The following DLD variants were observed in gnomAD, a reference collection of about 807,000 sequenced individuals.
DLD encodes the protein dihydrolipoamide dehydrogenase, also known as dihydrolipoyl dehydrogenase, mitochondrial.
Under a neutral mutation model 62.2 loss-of-function variants are expected in DLD, and 36 were observed. The observed-to-expected ratio is 0.58, with a 90% CI of 0.44 to 0.76. DLD has a LOEUF of 0.76. DLD is among the 30% of genes least tolerant of loss of function. The pLI is 0.00. For missense variants in DLD, 541 were observed against 608.6 expected, an observed-to-expected ratio of 0.89 and a Z score of 1.17; for synonymous variants, 204 against 199.6, an observed-to-expected ratio of 1.02 and a Z score of -0.19.
Position 107,905,431 on chromosome 7 carries a change from G to T in DLD, c.509G>T (p.Gly170Val), listed in dbSNP as rs756314208. ...NQVTATKADGGTQVIDTKNIL... is the reference protein window; with the variant it reads ...NQVTATKADGVTQVIDTKNIL... ...GTCACTGCTACGAAAGCTGATGGCG[G>T]CACTCAGGTTATTGATACAAAGAAC... The change falls in exon 7 of 14, where the codon GGC becomes GTC. Residue 170 changes from glycine to valine, a missense_variant. Transcript: ENST00000205402. 1 of 1,613,640 alleles carries T rather than the reference G, an allele frequency of 6.2e-7. No homozygotes were observed. Among genetic ancestry groups the T allele is most frequent in the Non-Finnish European group, 8.5e-7 (1 of 1,179,610 alleles).
chr7:107,919,316 A>G lies in DLD; in HGVS notation c.*57A>G. 7.6e-7 allele frequency: 1 copy of G among 1,309,924 alleles called. No individual in the cohort carries two copies. The highest frequency in any genetic ancestry group is 1.1e-6 in the Non-Finnish European group (1 of 921,252). 81.1% of individuals were successfully genotyped at this position (1,309,924 alleles called of 1,614,324 possible). A position where few individuals can be genotyped will look rare whatever the true frequency, so the allele number is the denominator to read the frequency against. On this transcript the variant is annotated 3_prime_UTR_variant, in exon 14 of 14. Coordinates refer to ENST00000205402, the MANE Select transcript of DLD (RefSeq NM_000108.5). ...TTTCCTGGGAGCTTTTGTAGAAGTC[A>G]CATTCCTGAACAGGATATTCTCACA... is the stretch of plus-strand genomic sequence containing the variant.
intron 2 of DLD, among the ~76,000 whole-genome samples, chr7:107,901,146 G>T (rs2031865493): frequency 6.6e-6 from 1 of 152,064 alleles, no homozygotes; most frequent in African/African-American, 2.4e-5. Context: ...CATAGAAGCT[G>T]TTTTTTCCCT....
At chr7:107,906,409 T>C (rs1250718132) in intron 8 of DLD, 41 bp downstream of exon 8, 1 of 1,301,766 alleles carries the variant, frequency 7.7e-7, no homozygotes, top group Non-Finnish European at 1.1e-6. Context: ...TCCTTGGAGT[T>C]GGAAGGGACT....
chr7:107,917,889 C>G, intron 11 of DLD, 35 bp from the exon 12 acceptor site: 2 of 1,613,482 alleles, frequency 1.2e-6, no homozygotes, highest in Non-Finnish European at 1.7e-6. Flanking sequence ...ACTTTTCTGG[C>G]AGTTACGTAG....
Position 107,901,813 on chromosome 7 carries a change from T to A in DLD, c.194T>A (p.Phe65Tyr), listed in dbSNP as rs370683309. Reference sequence around the variant, plus strand: ...GCTATTAAAGCTGCCCAGTTAGGCTTCAAGGTAAGGTTTGAACTCAAACTA... The same window carrying A: ...GCTATTAAAGCTGCCCAGTTAGGCTACAAGGTAAGGTTTGAACTCAAACTA... ...VAAIKAAQLG[F>Y]KTVCIEKNET... The change falls in exon 3 of 14, where the codon TTC becomes TAC. Residue 65 changes from phenylalanine (F) to tyrosine (Y), a missense_variant. Coordinates refer to ENST00000205402, the MANE Select transcript of DLD (RefSeq NM_000108.5). 19 of 1,613,052 alleles carry A rather than the reference T, an allele frequency of 1.2e-5. No homozygotes were observed. The highest frequency in any genetic ancestry group is 3.3e-4 in the Middle Eastern group (2 of 6,058).
Position 107,901,653 on chromosome 7 carries a change from G to A in DLD, c.119-85G>A, listed in dbSNP as rs73726763. On this transcript the variant is annotated intron_variant, in intron 2 of 13. Transcript: ENST00000205402. ...TTGTACTGTAAGAGGTTTAAGTATC[G>A]GGTTATTTGTTTGCTCTTCCAAAGA... The A allele has an allele frequency of 3.7e-3, 3,948 of 1,074,160 alleles. 89 individuals are homozygous for A. In the African/African-American group the frequency reaches 0.05, roughly 14 times the overall value. The allele number at this position is 1,074,160 out of a possible 1,614,324, so 66.5% of individuals were successfully genotyped here. A position where few individuals can be genotyped will look rare whatever the true frequency, so the allele number is the denominator to read the frequency against.
chr7:107,918,600 G>C (rs192562687), intron 12 of DLD, among the ~76,000 whole-genome samples: 1 of 152,250 alleles, frequency 6.6e-6, no homozygotes, highest in East Asian at 1.9e-4. Context: ...TCCTACCACT[G>C]AGCCTAAAGT....
chr7:107,918,804 G>A (rs1426397929), intron 12 of DLD, among the ~76,000 whole-genome samples: 1 of 152,204 alleles, frequency 6.6e-6, no homozygotes, highest in African/African-American at 2.4e-5. Context: ...GTAAGTGGTA[G>A]ATATGAATTG....
chr7:107,919,705 A>G lies in DLD; in HGVS notation c.*446A>G, dbSNP rs1344892515. On this transcript the variant is annotated 3_prime_UTR_variant, in exon 14 of 14. Transcript: ENST00000205402. ...CATTGGAAACAAGTCAGTCATTCAG[A>G]TATGATTCAAATGTCTATAAACCGA... The G allele has an allele frequency of 5.8e-6, 1 of 172,066 alleles. No homozygotes were observed. The highest frequency in any genetic ancestry group is 1.2e-5 in the Non-Finnish European group (1 of 80,428). 10.7% of individuals were successfully genotyped at this position (172,066 alleles called of 1,614,324 possible).
chr7:107,897,217 A>G (rs958323117), intron 2 of DLD, among the ~76,000 whole-genome samples: 1 of 152,216 alleles, frequency 6.6e-6, no homozygotes. Flanking sequence ...CTGATGAGTC[A>G]TAAATATTTG....
intron 9 of DLD, 47 bp from the exon 10 acceptor site, chr7:107,916,747 A>G (rs766697952): frequency 5.7e-5 from 90 of 1,566,658 alleles, no homozygotes; most frequent in Non-Finnish European, 7.4e-5. Context: ...AAGCCTATCA[A>G]TTTATGTAGG....
chr7:107,891,354 G>C, intron 1 of DLD, 65 bp downstream of exon 1: 3 of 1,585,618 alleles, frequency 1.9e-6, no homozygotes, highest in Non-Finnish European at 1.7e-6. Flanking sequence ...CAGTGGGTCC[G>C]GTACGCGGCT....
At chr7:107,891,912 A>T (rs905699571) in intron 1 of DLD, among the ~76,000 whole-genome samples, 2 of 152,222 alleles carry the variant, frequency 1.3e-5, no homozygotes, top group African/African-American at 4.8e-5. Context: ...TGCTTACCAG[A>T]TACAGCCAAA....
intron 5 of DLD, among the ~76,000 whole-genome samples, chr7:107,904,109 A>G (rs964634476): frequency 2.0e-5 from 3 of 152,352 alleles, no homozygotes; most frequent in African/African-American, 4.8e-5. Flanking sequence ...GGCAGGACCT[A>G]GTCATAACCT....
At chr7:107,903,391 G>C (rs1426867636) in intron 4 of DLD, 87 bp from the exon 5 acceptor site, 1 of 886,414 alleles carries the variant, frequency 1.1e-6, no homozygotes, top group Non-Finnish European at 1.8e-6. Flanking sequence ...AAAATGAAAA[G>C]AAAGACTATC....
intron 8 of DLD, among the ~76,000 whole-genome samples, chr7:107,907,048 A>G (rs1036665955): frequency 7.2e-5 from 11 of 152,252 alleles, no homozygotes; most frequent in Non-Finnish European, 1.5e-4. Flanking sequence ...TTTCTAGTCC[A>G]TAGATCTACT....
At chr7:107,893,579 T>G (rs906293556) in intron 2 of DLD, 3 of 216,842 alleles carry the variant, frequency 1.4e-5, no homozygotes, top group South Asian at 1.6e-4. Flanking sequence ...GGAAGAGAGA[T>G]AATTTTAGAT....
At chr7:107,898,638 T>TGGAGTGCAGTGGC (rs1236766169) in intron 2 of DLD, among the ~76,000 whole-genome samples, 9 of 150,388 alleles carry the variant, frequency 6.0e-5, no homozygotes, top group Non-Finnish European at 1.2e-4. Flanking sequence ...TCGCCCAGGC[T>TGGAGTGCAGTGGC]GGAGTGCAGT....
At chr7:107,905,166 T>C in intron 6 of DLD, 108 bp downstream of exon 6, 2 of 1,056,836 alleles carry the variant, frequency 1.9e-6, no homozygotes, top group South Asian at 1.4e-5. Context: ...TTATTTAATT[T>C]AAAATAGCTT....
Sources: gnomAD v4.1 joint callset for allele counts (sites outside exome capture counted in the v4.1 genomes callset) on GRCh38, gnomAD v4.1.1 for gene constraint, MANE v1.5 for transcripts, NCBI Gene and HGNC (gene_info 2026-07-23, HGNC 2026-07-21) for gene names.